LTBP1: variants seen among roughly 807,000 people sequenced by gnomAD.
LTBP1 encodes the protein latent-transforming growth factor beta-binding protein 1.
A neutral mutation model predicts 207.6 loss-of-function variants in LTBP1; 129 were observed. The ratio of observed to expected loss-of-function variants is 0.62; its 90% CI spans 0.54 to 0.72. The LOEUF (loss-of-function observed/expected upper bound fraction) is 0.72. Among genes scored for constraint, LTBP1 ranks in the 30% least tolerant of loss-of-function variants. LTBP1 has a pLI of 0.00. For missense variants in LTBP1, 2,281 were observed against 2,217.2 expected (o/e 1.03, Z -0.58); for synonymous variants, 963 against 833.7 (o/e 1.16, Z -2.67).
At chr2:32,982,306 G>A (rs778701195) in intron 2 of LTBP1, among the ~76,000 whole-genome samples, 1 of 152,060 alleles carries the variant, frequency 6.6e-6, no homozygotes, top group Non-Finnish European at 1.5e-5. Context: ...GATGATTTGG[G>A]GTATCTGGTG....
chr2:33,317,302 A>T (rs186254770), intron 24 of LTBP1, among the ~76,000 whole-genome samples: 2 of 152,320 alleles, frequency 1.3e-5, no homozygotes, highest in African/African-American at 2.4e-5. Context: ...CAGAACCTGG[A>T]CAATTTTATA....
In LTBP1 at chr2:33,263,381, C is replaced by T. The variant is rs762556837; in HGVS notation, c.2606C>T (p.Thr869Ile). 2 of 1,613,028 alleles carry T rather than the reference C, an allele frequency of 1.2e-6. No homozygotes were observed. Among genetic ancestry groups the T allele is most frequent in the African/African-American group, 1.3e-5 (1 of 74,918 alleles). ...AGTGCCAGCCAAGTGATTGCTCCTA[C>T]TCAAGTGACAGGTTGGTGCAGTATT... The part of the protein sequence containing the change: ...TSSASQVIAP[T>I]QVTEINECTV... The change falls in exon 15 of 34, where the codon ACT (threonine) becomes ATT (isoleucine). Residue 869 changes from threonine (T) to isoleucine (I), a missense_variant. By Grantham distance (89) the Thr-to-Ile change is moderately conservative. Around this residue, in one of 3 missense-constraint regions of LTBP1, gnomAD observed 1,671 missense variants for 1,634.8 expected, o/e 1.02. Transcript: ENST00000404816.
At chr2:33,369,730 A>G (rs1416759166) in intron 31 of LTBP1, among the ~76,000 whole-genome samples, 1 of 152,158 alleles carries the variant, frequency 6.6e-6, no homozygotes, top group Non-Finnish European at 1.5e-5. Context: ...TGGTAGACAC[A>G]GGGGAACTTT....
chr2:33,121,997 G>A (rs2081150089), intron 4 of LTBP1, among the ~76,000 whole-genome samples: 1 of 151,978 alleles, frequency 6.6e-6, no homozygotes, highest in South Asian at 2.1e-4. Context: ...TATAATATAT[G>A]CATAGTTCTT....
chr2:33,240,346 T>A (rs1279052257), intron 9 of LTBP1, among the ~76,000 whole-genome samples: 1 of 152,256 alleles, frequency 6.6e-6, no homozygotes, highest in African/African-American at 2.4e-5. Flanking sequence ...GTTGTTAAAC[T>A]TTGGCCTGAT....
chr2:33,276,803 A>G (rs1270999198), intron 18 of LTBP1, among the ~76,000 whole-genome samples: 1 of 152,254 alleles, frequency 6.6e-6, no homozygotes, highest in African/African-American at 2.4e-5. Context: ...GTGAGCTGAG[A>G]TCATGCCACT....
rs1676383494 is a variant in LTBP1 at position 32,947,620 on chromosome 2, G to GACCGCCGCC, written c.297_305dup (p.Pro104_Pro106dup). The GACCGCCGCC allele has an allele frequency of 3.7e-6, 5 of 1,338,734 alleles. No individual in the cohort carries two copies. The highest frequency in any genetic ancestry group is 4.8e-6 in the Non-Finnish European group (5 of 1,050,496). 82.9% of individuals were successfully genotyped at this position (1,338,734 alleles called of 1,614,324 possible). A position where few individuals can be genotyped will look rare whatever the true frequency, so the allele number is the denominator to read the frequency against. On this transcript the variant is annotated inframe_insertion, in exon 1 of 34. Transcript: ENST00000404816. ...GGCGGCGCGGCCCTGCAGGGGCTCAGACCGCCGCCGCCGCCGCCGCCGGAG... is the reference window on the plus strand; with the variant it reads ...GGCGGCGCGGCCCTGCAGGGGCTCAGACCGCCGCCACCGCCGCCGCCGCCGCCGCCGGAG...
chr2:33,168,257 C>T (rs2085100124), intron 5 of LTBP1, among the ~76,000 whole-genome samples: 1 of 151,882 alleles, frequency 6.6e-6, no homozygotes, highest in Non-Finnish European at 1.5e-5. Context: ...GTGGCACATG[C>T]CTGTAGTCCT....
intron 20 of LTBP1, among the ~76,000 whole-genome samples, chr2:33,297,938 A>G (rs1433419025): frequency 6.6e-6 from 1 of 152,148 alleles, no homozygotes; most frequent in African/African-American, 2.4e-5. Context: ...AGAATCCTGT[A>G]GCTTTTCCCC....
At chr2:33,306,356 G>T (rs2094093547) in intron 22 of LTBP1, among the ~76,000 whole-genome samples, 1 of 151,020 alleles carries the variant, frequency 6.6e-6, no homozygotes, top group Non-Finnish European at 1.5e-5. Context: ...AATCACTTGA[G>T]GTCAGGAGTT....
At chr2:33,165,542 C>A (rs932773177) in intron 5 of LTBP1, among the ~76,000 whole-genome samples, 2 of 152,220 alleles carry the variant, frequency 1.3e-5, no homozygotes, top group Non-Finnish European at 2.9e-5. Flanking sequence ...GAGAGCTGCA[C>A]TGAATTGCTC....
intron 32 of LTBP1, 107 bp downstream of exon 32, chr2:33,389,413 CA>C: frequency 6.9e-7 from 1 of 1,441,098 alleles, no homozygotes; most frequent in Non-Finnish European, 9.5e-7. Context: ...TTTCTGGTCC[CA>C]CCCCAGACCT....
At chr2:33,194,106 C>T (rs1056770667) in intron 7 of LTBP1, among the ~76,000 whole-genome samples, 9 of 152,132 alleles carry the variant, frequency 5.9e-5, no homozygotes, top group African/African-American at 2.2e-4. Flanking sequence ...CCTGCCTCAG[C>T]CTCCCAAGTA....
At chr2:33,290,662 C>A (rs2093756229) in intron 19 of LTBP1, among the ~76,000 whole-genome samples, 1 of 152,136 alleles carries the variant, frequency 6.6e-6, no homozygotes, top group African/African-American at 2.4e-5. Context: ...ATTGGTATGC[C>A]TGGGCAATAA....
At chr2:33,159,943 G>T (rs560961236) in intron 5 of LTBP1, among the ~76,000 whole-genome samples, 1 of 152,016 alleles carries the variant, frequency 6.6e-6, no homozygotes, top group African/African-American at 2.4e-5. Context: ...GTGCAGTGGC[G>T]CAATCTCTGC....
intron 3 of LTBP1, among the ~76,000 whole-genome samples, chr2:33,050,049 G>T (rs1388795312): frequency 6.6e-6 from 1 of 151,734 alleles, no homozygotes; most frequent in African/African-American, 2.4e-5. Context: ...TTGCTTTGTT[G>T]CCTAGGTTGG....
At chr2:33,064,132 C>T (rs530227260) in intron 3 of LTBP1, among the ~76,000 whole-genome samples, 17 of 152,250 alleles carry the variant, frequency 1.1e-4, no homozygotes, top group South Asian at 1.0e-3. Context: ...GGATTACAGG[C>T]GTGAGCCACT....
At chr2:33,079,673 A>T (rs1310662752) in intron 3 of LTBP1, among the ~76,000 whole-genome samples, 1 of 151,980 alleles carries the variant, frequency 6.6e-6, no homozygotes, top group East Asian at 1.9e-4. Flanking sequence ...GGCACTGCAG[A>T]CTTCTCCCAG....
At chr2:32,963,762 G>A (rs924327453) in intron 2 of LTBP1, among the ~76,000 whole-genome samples, 3 of 152,050 alleles carry the variant, frequency 2.0e-5, no homozygotes, top group Non-Finnish European at 4.4e-5. Context: ...TGCAGGTTGT[G>A]GGACTTTCCC....
Sources: gnomAD v4.1 joint callset for allele counts (sites outside exome capture counted in the v4.1 genomes callset) on GRCh38, gnomAD v4.1.1 for gene constraint, gnomAD v4.1.1 regional missense constraint, MANE v1.5 for transcripts, NCBI Gene and HGNC (gene_info 2026-07-23, HGNC 2026-07-21) for gene names.